The following C1QTNF3 variants were observed in gnomAD, a reference collection of about 807,000 sequenced individuals.
C1QTNF3 encodes the protein C1q and TNF related 3.
A neutral mutation model predicts 32.6 loss-of-function variants in C1QTNF3; 26 were observed. The observed-to-expected ratio is 0.80, with a 90% confidence interval of 0.58 to 1.11. The LOEUF (loss-of-function observed/expected upper bound fraction) is 1.11, where lower values mean the gene tolerates loss of function less well. C1QTNF3 is among the 50% of genes least tolerant of loss of function. C1QTNF3 has a pLI of 0.00. For synonymous variants in C1QTNF3, 155 were observed against 146.0 expected (o/e 1.06, Z -0.44); for missense variants, 362 against 398.2 (o/e 0.91, Z 0.77).
the C1QTNF3 span, among the ~76,000 whole-genome samples, chr5:34,170,816 T>C: frequency 6.6e-6 from 1 of 152,278 alleles, no homozygotes; most frequent in African/African-American, 2.4e-5. Flanking sequence ...ATTTTACACA[T>C]CAATGTGTTC....
At chr5:34,105,236 G>A in the C1QTNF3 span, among the ~76,000 whole-genome samples, 3 of 151,932 alleles carry the variant, frequency 2.0e-5, no homozygotes, top group Non-Finnish European at 4.4e-5. Context: ...ATTCATCTTT[G>A]AATTGTAAGC....
At chr5:34,076,563 G>T in the C1QTNF3 span, among the ~76,000 whole-genome samples, 54 of 151,456 alleles carry the variant, frequency 3.6e-4, no homozygotes, top group Non-Finnish European at 6.3e-4. Flanking sequence ...TTGGGTCACA[G>T]AATTTCAGAG....
the C1QTNF3 span, among the ~76,000 whole-genome samples, chr5:34,123,330 A>G: frequency 6.6e-6 from 1 of 152,218 alleles, no homozygotes; most frequent in African/African-American, 2.4e-5. Flanking sequence ...GCCTGTGTGT[A>G]TATGAATGCA....
the C1QTNF3 span, among the ~76,000 whole-genome samples, chr5:34,050,184 A>G: frequency 6.6e-6 from 1 of 152,290 alleles, no homozygotes; most frequent in African/African-American, 2.4e-5. Context: ...CATTGTCCAC[A>G]TCCCCAGTTC....
chr5:34,222,817 G>C, the C1QTNF3 span, among the ~76,000 whole-genome samples: 1 of 151,580 alleles, frequency 6.6e-6, no homozygotes, highest in Non-Finnish European at 1.5e-5. Flanking sequence ...AATCCTTTTT[G>C]CTGCAAACTG....
At chr5:34,215,408 T>C in the C1QTNF3 span, among the ~76,000 whole-genome samples, 1 of 152,170 alleles carries the variant, frequency 6.6e-6, no homozygotes, top group Admixed American at 6.6e-5. Context: ...TGAATGTAGT[T>C]ATACTCCTGC....
chr5:34,069,652 G>A, the C1QTNF3 span, among the ~76,000 whole-genome samples: 416 of 152,222 alleles, frequency 2.7e-3, no homozygotes, highest in African/African-American at 9.4e-3. Context: ...GATACATTAC[G>A]ATGAGAACGA....
the C1QTNF3 span, among the ~76,000 whole-genome samples, chr5:34,201,971 A>T: frequency 6.6e-6 from 1 of 152,162 alleles, no homozygotes; most frequent in African/African-American, 2.4e-5. Context: ...ACTGGGGATT[A>T]GGCACAAGGA....
At chr5:34,112,727 A>G in the C1QTNF3 span, among the ~76,000 whole-genome samples, 9 of 152,180 alleles carry the variant, frequency 5.9e-5, no homozygotes, top group African/African-American at 1.9e-4. Flanking sequence ...TTTTGCATAC[A>G]AAAGATCCTT....
chr5:34,036,699 C>T (rs1465656505), intron 1 of C1QTNF3, among the ~76,000 whole-genome samples: 2 of 152,160 alleles, frequency 1.3e-5, no homozygotes, highest in African/African-American at 4.8e-5. Flanking sequence ...TGCCTGTAAT[C>T]CCAGCACTTT....
the C1QTNF3 span, among the ~76,000 whole-genome samples, chr5:34,084,730 T>C: frequency 6.8e-6 from 1 of 148,026 alleles, no homozygotes; most frequent in Non-Finnish European, 1.5e-5. Flanking sequence ...ATTAGCCCTT[T>C]GTCAGATGGA....
At chr5:34,068,594 C>G in the C1QTNF3 span, among the ~76,000 whole-genome samples, 1 of 151,740 alleles carries the variant, frequency 6.6e-6, no homozygotes, top group Non-Finnish European at 1.5e-5. Flanking sequence ...GTATCTTTGT[C>G]TTTATGCAGA....
chr5:34,107,375 C>T, the C1QTNF3 span, among the ~76,000 whole-genome samples: 33 of 150,022 alleles, frequency 2.2e-4, no homozygotes, highest in South Asian at 4.4e-3. Context: ...ACTGTCTATA[C>T]GGGACAGACA....
Position 34,023,917 on chromosome 5 carries a change from G to A in C1QTNF3, c.792C>T (p.Ser264=). 6.2e-7 allele frequency: 1 copy of A among 1,613,650 alleles called. No individual in the cohort carries two copies. The highest frequency in any genetic ancestry group is 8.5e-7 in the Non-Finnish European group (1 of 1,179,588). ...YLMHNGNTVF[S]MYSYEMKGKS... ...CAGAAAAGACCACCCACCTGTACAT[G>A]CTGAAGACTGTGTTGCCATTGTGCA... The change falls in exon 5 of 6, where the codon AGC becomes AGT. Residue 264 remains serine, a synonymous_variant. Coordinates refer to ENST00000382065, the MANE Select transcript of C1QTNF3 (RefSeq NM_181435.6).
At chr5:34,087,934 A>C in the C1QTNF3 span, among the ~76,000 whole-genome samples, 1 of 152,228 alleles carries the variant, frequency 6.6e-6, no homozygotes, top group Non-Finnish European at 1.5e-5. Flanking sequence ...GATTCCTGTA[A>C]TATGAAACCA....
chr5:34,209,271 C>T, the C1QTNF3 span, among the ~76,000 whole-genome samples: 4 of 151,680 alleles, frequency 2.6e-5, no homozygotes, highest in African/African-American at 9.7e-5. Flanking sequence ...AGATCAAATG[C>T]AGCTGAATAA....
At chr5:34,197,873 A>G in the C1QTNF3 span, among the ~76,000 whole-genome samples, 2 of 152,072 alleles carry the variant, frequency 1.3e-5, no homozygotes, top group South Asian at 4.2e-4. Context: ...TTTTTAGTTC[A>G]TAGATTACTG....
chr5:34,196,787 G>T, the C1QTNF3 span, among the ~76,000 whole-genome samples: 1 of 149,476 alleles, frequency 6.7e-6, no homozygotes, highest in African/African-American at 2.5e-5. Flanking sequence ...AGCCTCCTGA[G>T]TAGCTGGGAC....
At chr5:34,216,849 G>C in the C1QTNF3 span, among the ~76,000 whole-genome samples, 2,210 of 152,156 alleles carry the variant, frequency 0.015, 36 homozygotes, top group South Asian at 0.034. Context: ...CAACTGCAGA[G>C]GTAATAATGC....
Sources: gnomAD v4.1 joint callset for allele counts (sites outside exome capture counted in the v4.1 genomes callset) on GRCh38, gnomAD v4.1.1 for gene constraint, MANE v1.5 for transcripts, NCBI Gene and HGNC (gene_info 2026-07-23, HGNC 2026-07-21) for gene names.